Variants in HECW2 observed in about 807,000 individuals in gnomAD.
The protein encoded by HECW2 is HECT, C2 and WW domain containing E3 ubiquitin protein ligase 2, also known as E3 ubiquitin-protein ligase HECW2.
In HECW2, 61 loss-of-function variants were observed where a neutral mutation model predicts 175.2. That is an observed-to-expected ratio of 0.35 (90% CI 0.28 to 0.43). The LOEUF is 0.43. Ranked by LOEUF, HECW2 falls within the 20% of genes least tolerant of loss-of-function variation. HECW2 has a pLI of 1.00. For missense variants in HECW2, 1,524 were observed against 2,000.5 expected (o/e 0.76, Z 4.54); for synonymous variants, 671 against 731.0 (o/e 0.92, Z 1.32).
intron 14 of HECW2, among the ~76,000 whole-genome samples, chr2:196,282,875 T>C (rs1690238855): frequency 6.6e-6 from 1 of 152,160 alleles, no homozygotes; most frequent in African/African-American, 2.4e-5. Flanking sequence ...AACTTTGGAA[T>C]GTCCTTGGCT....
At chr2:196,267,971 T>C (rs754882753) in intron 17 of HECW2, among the ~76,000 whole-genome samples, 4 of 152,216 alleles carry the variant, frequency 2.6e-5, no homozygotes, top group Admixed American at 6.5e-5. Flanking sequence ...ACAGTGAACT[T>C]TGACACATAG....
intron 1 of HECW2, among the ~76,000 whole-genome samples, chr2:196,569,368 A>C (rs1559180267): frequency 6.6e-6 from 1 of 151,126 alleles, no homozygotes; most frequent in East Asian, 1.9e-4. Flanking sequence ...AAACTAAACT[A>C]AACTAAAATA....
chr2:196,459,212 T>G (rs1696639356), intron 1 of HECW2, among the ~76,000 whole-genome samples: 1 of 152,174 alleles, frequency 6.6e-6, no homozygotes, highest in African/African-American at 2.4e-5. Context: ...GAAGGCATCT[T>G]TGAGGCAGTA....
chr2:196,205,478 A>AT (rs1428990420), intron 28 of HECW2, among the ~76,000 whole-genome samples: 1 of 152,190 alleles, frequency 6.6e-6, no homozygotes, highest in Non-Finnish European at 1.5e-5. Context: ...AAAGCTTCAG[A>AT]TATTTTTTAA....
chr2:196,202,945 C>G (rs1421442344), intron 28 of HECW2, among the ~76,000 whole-genome samples: 2 of 152,162 alleles, frequency 1.3e-5, no homozygotes, highest in Admixed American at 1.3e-4. Context: ...CTTGTATACA[C>G]AGACTGAAGG....
intron 1 of HECW2, among the ~76,000 whole-genome samples, chr2:196,544,965 C>A (rs779528116): frequency 6.6e-6 from 1 of 152,208 alleles, no homozygotes; most frequent in African/African-American, 2.4e-5. Context: ...TCTGAGTAGA[C>A]CCCTCTCAAG....
intron 1 of HECW2, among the ~76,000 whole-genome samples, chr2:196,520,613 C>T (rs938501531): frequency 1.3e-5 from 2 of 152,204 alleles, no homozygotes; most frequent in Admixed American, 1.3e-4. Flanking sequence ...GGTAAGAAAT[C>T]ACCCCTAAAT....
chr2:196,370,846 T>C (rs556415064), intron 2 of HECW2, among the ~76,000 whole-genome samples: 55 of 152,222 alleles, frequency 3.6e-4, no homozygotes, highest in South Asian at 2.7e-3. Flanking sequence ...CACTGCATTC[T>C]CCCTCCCCTA....
intron 1 of HECW2, among the ~76,000 whole-genome samples, chr2:196,486,576 G>T (rs1326371560): frequency 6.6e-6 from 1 of 152,186 alleles, no homozygotes. Flanking sequence ...CTATGGGCCC[G>T]GGGTGTGGGT....
At chr2:196,395,886 C>G (rs548920072) in intron 2 of HECW2, among the ~76,000 whole-genome samples, 1 of 152,000 alleles carries the variant, frequency 6.6e-6, no homozygotes, top group Non-Finnish European at 1.5e-5. Context: ...TGGGTATACA[C>G]GTAAAGGGAT....
At chr2:196,536,270 A>G (rs1689019548) in intron 1 of HECW2, among the ~76,000 whole-genome samples, 1 of 152,180 alleles carries the variant, frequency 6.6e-6, no homozygotes, top group Non-Finnish European at 1.5e-5. Flanking sequence ...GGCTTTAAAG[A>G]ACTTCTGAGT....
At chr2:196,365,019 T>C (rs1294775973) in intron 2 of HECW2, among the ~76,000 whole-genome samples, 1 of 152,220 alleles carries the variant, frequency 6.6e-6, no homozygotes, top group Non-Finnish European at 1.5e-5. Flanking sequence ...CTTTCCCATT[T>C]CCATCAGATC....
chr2:196,390,761 C>T (rs1390418866), intron 2 of HECW2, among the ~76,000 whole-genome samples: 2 of 152,062 alleles, frequency 1.3e-5, no homozygotes, highest in Non-Finnish European at 2.9e-5. Context: ...AACATGTCAC[C>T]ATAAGAAATA....
At position 196,493,079 on chromosome 2, in the gene HECW2, A is replaced by G. The variant is rs569761364; in HGVS notation, c.-35-59621T>C. On this transcript the variant is annotated intron_variant, in intron 1 of 28. Transcript: ENST00000644978. ...CTATTTCTAATAAGATCGAAATTGG[A>G]TAACACAGGCTAGACATGGTGGCTC... is the stretch of plus-strand genomic sequence containing the variant. 5.3e-5 allele frequency among the ~76,000 whole-genome samples: 8 copies of G among 152,316 alleles called. No individual in the cohort carries two copies. In the East Asian group the frequency reaches 1.5e-3, roughly 29 times the overall value.
chr2:196,472,920 T>C (rs904495201), intron 1 of HECW2, among the ~76,000 whole-genome samples: 1 of 152,198 alleles, frequency 6.6e-6, no homozygotes, highest in African/African-American at 2.4e-5. Context: ...CGCACTCAGC[T>C]GGAAGGTAAC....
chr2:196,425,107 C>G (rs1035204402), intron 2 of HECW2, among the ~76,000 whole-genome samples: 1 of 151,896 alleles, frequency 6.6e-6, no homozygotes, highest in African/African-American at 2.4e-5. Flanking sequence ...TCTGTTGGCA[C>G]TCTAGAAATG....
chr2:196,258,869 A>G (rs1245112091), intron 17 of HECW2, among the ~76,000 whole-genome samples: 1 of 152,244 alleles, frequency 6.6e-6, no homozygotes, highest in Non-Finnish European at 1.5e-5. Flanking sequence ...TTCCTATACC[A>G]TAAAGTAAAA....
chr2:196,419,075 A>G (rs1045093459), intron 2 of HECW2, among the ~76,000 whole-genome samples: 1 of 152,246 alleles, frequency 6.6e-6, no homozygotes, highest in African/African-American at 2.4e-5. Flanking sequence ...AGAGCTGGGT[A>G]AGGTGCTCAG....
intron 1 of HECW2, among the ~76,000 whole-genome samples, chr2:196,549,366 G>T (rs1689533781): frequency 6.6e-6 from 1 of 152,036 alleles, no homozygotes; most frequent in Non-Finnish European, 1.5e-5. Flanking sequence ...TTTCCTTCAT[G>T]GTTTTACCAC....
Sources: gnomAD v4.1 joint callset for allele counts (sites outside exome capture counted in the v4.1 genomes callset) on GRCh38, gnomAD v4.1.1 for gene constraint, MANE v1.5 for transcripts, NCBI Gene and HGNC (gene_info 2026-07-23, HGNC 2026-07-21) for gene names.